The following CORO2B variants were observed in gnomAD, a reference collection of about 807,000 sequenced individuals.
CORO2B encodes coronin-2B.
Under a neutral mutation model 58.8 loss-of-function variants are expected in CORO2B, and 26 were observed. That is an observed-to-expected ratio of 0.44 (90% CI 0.32 to 0.61). The LOEUF is 0.61. CORO2B is among the 20% of genes least tolerant of loss of function. The probability of loss-of-function intolerance (pLI) is 0.04; values close to 1 mark genes in which losing one functional copy is unlikely to be tolerated. For synonymous variants in CORO2B, 242 were observed against 253.8 expected (o/e 0.95, Z 0.44); for missense variants, 460 against 645.1 (o/e 0.71, Z 3.11).
chr15:68,715,984 G>A (rs766304726), intron 8 of CORO2B, among the ~76,000 whole-genome samples: 5 of 152,214 alleles, frequency 3.3e-5, no homozygotes, highest in Non-Finnish European at 5.9e-5. Context: ...ACCTCTGCGG[G>A]TGATCCTCTT....
the CORO2B span, among the ~76,000 whole-genome samples, chr15:68,552,329 A>G: frequency 6.6e-6 from 1 of 152,128 alleles, no homozygotes; most frequent in Non-Finnish European, 1.5e-5. Flanking sequence ...ACCCTTGACC[A>G]CAAGAATCAC....
At chr15:68,565,671 C>T in the CORO2B span, among the ~76,000 whole-genome samples, 344 of 152,326 alleles carry the variant, frequency 2.3e-3, no homozygotes, top group Non-Finnish European at 3.4e-3. Flanking sequence ...GACCCTCACT[C>T]CATGTATCAG....
At chr15:68,525,738 A>T in the CORO2B span, among the ~76,000 whole-genome samples, 1 of 152,214 alleles carries the variant, frequency 6.6e-6, no homozygotes, top group South Asian at 2.1e-4. Flanking sequence ...GGATTTTTTT[A>T]AAATAATTTT....
chr15:68,646,031 C>T (rs1023676797), intron 2 of CORO2B, among the ~76,000 whole-genome samples: 1 of 152,104 alleles, frequency 6.6e-6, no homozygotes, highest in African/African-American at 2.4e-5. Context: ...ACCTTGGCCT[C>T]CCAAAGTGCT....
chr15:68,575,791 A>G (rs1899273009), upstream of CORO2B, among the ~76,000 whole-genome samples: 1 of 151,882 alleles, frequency 6.6e-6, no homozygotes, highest in Non-Finnish European at 1.5e-5. Flanking sequence ...AGGAAACCCA[A>G]ACTAAGATGG....
intron 2 of CORO2B, among the ~76,000 whole-genome samples, chr15:68,667,885 T>C (rs546869379): frequency 6.6e-6 from 1 of 152,336 alleles, no homozygotes; most frequent in African/African-American, 2.4e-5. Context: ...CCTGTAGTCC[T>C]GACCCAGCCA....
At position 68,645,359 on chromosome 15, in the gene CORO2B, A is replaced by G. The variant is rs1389979477; in HGVS notation, c.215A>G (p.Gln72Arg). 6.2e-7 allele frequency: 1 copy of G among 1,609,564 alleles called. No individual in the cohort carries two copies. The change falls in exon 2 of 12, where the codon CAG becomes CGG. Residue 72 changes from glutamine (Q) to arginine (R), a missense_variant and splice_region_variant. By Grantham distance (43) the Gln-to-Arg change is conservative. This residue lies in a region of CORO2B where 352 missense variants were observed against 543.0 expected (regional missense o/e 0.65). Transcript: ENST00000261861. The surrounding 1 kb of genome is among the most constrained non-coding windows in gnomAD (Gnocchi z 4.5). ...TCCTTCCTCGTCATCCCCCTGGAGCAGGTAGGTGGCCCCTACCTTCACTCC... is the reference window on the plus strand; with the variant it reads ...TCCTTCCTCGTCATCCCCCTGGAGCGGGTAGGTGGCCCCTACCTTCACTCC... ...GGSFLVIPLE[Q>R]TGRIEPNYPK...
At chr15:68,673,423 T>C (rs545760843) in intron 2 of CORO2B, among the ~76,000 whole-genome samples, 78 of 151,602 alleles carry the variant, frequency 5.1e-4, no homozygotes, top group African/African-American at 1.8e-3. Context: ...GAGGCTGAGG[T>C]AGGAGAATTG....
chr15:68,652,154 A>G (rs1301908973), intron 2 of CORO2B, among the ~76,000 whole-genome samples: 2 of 152,154 alleles, frequency 1.3e-5, no homozygotes, highest in African/African-American at 4.8e-5. Context: ...TGGTAAACAG[A>G]TAAGTTCTGG....
chr15:68,597,961 TG>T (rs1899882874), intron 1 of CORO2B, among the ~76,000 whole-genome samples: 1 of 152,170 alleles, frequency 6.6e-6, no homozygotes, highest in South Asian at 2.1e-4. Context: ...GATGAGTCTG[TG>T]GGGGTGGGTA....
chr15:68,585,329 G>A (rs1392286571), intron 1 of CORO2B, among the ~76,000 whole-genome samples: 2 of 152,130 alleles, frequency 1.3e-5, no homozygotes, highest in Non-Finnish European at 2.9e-5. Context: ...TTTTCAATCC[G>A]ATCACATAAT....
chr15:68,565,052 G>A, the CORO2B span, among the ~76,000 whole-genome samples: 1 of 152,076 alleles, frequency 6.6e-6, no homozygotes, highest in East Asian at 1.9e-4. Flanking sequence ...TCATGTGAAA[G>A]TAACTTTTCG....
intron 2 of CORO2B, among the ~76,000 whole-genome samples, chr15:68,671,540 T>C (rs1041478123): frequency 2.6e-5 from 4 of 152,212 alleles, no homozygotes; most frequent in African/African-American, 9.7e-5. Context: ...TGTGGCTGGG[T>C]AGTTCTGGTT....
intron 1 of CORO2B, among the ~76,000 whole-genome samples, chr15:68,607,554 A>T (rs959797323): frequency 6.6e-6 from 1 of 152,164 alleles, no homozygotes; most frequent in Non-Finnish European, 1.5e-5. Flanking sequence ...ACGGTGGCTC[A>T]TGCCTGTGAT....
At chr15:68,652,635 A>T (rs977787071) in intron 2 of CORO2B, among the ~76,000 whole-genome samples, 1 of 152,190 alleles carries the variant, frequency 6.6e-6, no homozygotes, top group Non-Finnish European at 1.5e-5. Flanking sequence ...GGGATGGTGC[A>T]TTCTCCTTCC....
At chr15:68,614,877 C>T (rs1276901940) in intron 1 of CORO2B, among the ~76,000 whole-genome samples, 5 of 152,200 alleles carry the variant, frequency 3.3e-5, no homozygotes, top group African/African-American at 1.2e-4. Context: ...GAGGCTGGTC[C>T]GGGCCTGCGC....
At chr15:68,574,055 G>A (rs1369921004), upstream of CORO2B, among the ~76,000 whole-genome samples, 1 of 152,184 alleles carries the variant, frequency 6.6e-6, no homozygotes, top group African/African-American at 2.4e-5. Flanking sequence ...TTCAACCTGA[G>A]GACACCAGGG....
In CORO2B at chr15:68,606,007, A is replaced by G. The variant is rs189319350; in HGVS notation, c.15+26730A>G. ...CCAAAGTGCTGGGATTATAGCAGTG[A>G]GCCACAGCGCCCGGCCGGCTCTTGG... On this transcript the variant is annotated intron_variant, in intron 1 of 11. Coordinates refer to ENST00000261861, the MANE Select transcript of CORO2B (RefSeq NM_006091.5). Among the ~76,000 whole-genome samples, 710 of 151,816 alleles carry G rather than the reference A, an allele frequency of 4.7e-3. 8 individuals carry two copies. The highest frequency in any genetic ancestry group is 0.016 in the African/African-American group (676 of 41,372).
At chr15:68,597,652 A>G (rs1230887022) in intron 1 of CORO2B, among the ~76,000 whole-genome samples, 3 of 151,820 alleles carry the variant, frequency 2.0e-5, no homozygotes, top group Non-Finnish European at 4.4e-5. Flanking sequence ...AAATAAATAA[A>G]AAATAAAAAA....
Sources: allele counts gnomAD v4.1 joint callset (sites outside exome capture counted in the v4.1 genomes callset), GRCh38; gene constraint gnomAD v4.1.1; regional missense constraint gnomAD v4.1.1; non-coding constraint Gnocchi (gnomAD v3.1); transcripts MANE v1.5; gene names NCBI Gene and HGNC (gene_info 2026-07-23, HGNC 2026-07-21).